ARHGEF3: variants seen among roughly 807,000 people sequenced by gnomAD.
ARHGEF3 encodes the protein 59.8 kDA protein.
In ARHGEF3, 28 loss-of-function variants were observed where a neutral mutation model predicts 63.2. The observed-to-expected ratio is 0.44, with a 90% CI of 0.33 to 0.61. The LOEUF (loss-of-function observed/expected upper bound fraction) is 0.61, where lower values mean the gene tolerates loss of function less well. ARHGEF3 is among the 20% of genes least tolerant of loss of function. The pLI is 0.03. For missense variants in ARHGEF3, 533 were observed against 659.3 expected (o/e 0.81, Z 2.10); for synonymous variants, 266 against 254.2 (o/e 1.05, Z -0.44).
intron 4 of ARHGEF3, among the ~76,000 whole-genome samples, chr3:56,822,433 G>C (rs553690112): frequency 6.6e-6 from 1 of 152,170 alleles, no homozygotes; most frequent in African/African-American, 2.4e-5. Context: ...GTATACTGAT[G>C]AAGCCAAGCA....
chr3:56,849,613 C>T (rs1000887134), intron 4 of ARHGEF3, among the ~76,000 whole-genome samples: 3 of 152,008 alleles, frequency 2.0e-5, no homozygotes, highest in Admixed American at 6.6e-5. Context: ...CTTAAAGATG[C>T]TGTTATGCCA....
At chr3:56,967,297 AATTATAT>A (rs562517224) in intron 2 of ARHGEF3, among the ~76,000 whole-genome samples, 8,945 of 86,698 alleles carry the variant, frequency 0.1, 1,078 homozygotes, top group Non-Finnish European at 0.13. Context: ...ATATTATACA[AATTATAT>A]ATTATATATT....
chr3:56,984,462 C>T (rs142164987), intron 2 of ARHGEF3, among the ~76,000 whole-genome samples: 48 of 152,136 alleles, frequency 3.2e-4, no homozygotes, highest in African/African-American at 1.1e-3. Context: ...GGGAGGTGGA[C>T]AAGCCCCGCA....
intron 2 of ARHGEF3, chr3:56,958,996 GC>G: frequency 8.3e-7 from 1 of 1,205,342 alleles, no homozygotes; most frequent in Non-Finnish European, 1.2e-6. Flanking sequence ...TCAAGAAATG[GC>G]CCAAACAAGG....
intron 2 of ARHGEF3, among the ~76,000 whole-genome samples, chr3:57,013,392 C>A (rs375314718): frequency 1.2e-3 from 184 of 152,368 alleles, no homozygotes; most frequent in African/African-American, 4.2e-3. Flanking sequence ...ATGCACCAAT[C>A]AGCACTTTGT....
At chr3:57,004,689 C>T (rs1445781704) in intron 2 of ARHGEF3, among the ~76,000 whole-genome samples, 6 of 152,164 alleles carry the variant, frequency 3.9e-5, no homozygotes, top group Admixed American at 3.9e-4. Flanking sequence ...TTTATGCAGC[C>T]GGCGCAGTGG....
chr3:56,754,697 A>G (rs1200225086), intron 3 of ARHGEF3, among the ~76,000 whole-genome samples: 1 of 152,290 alleles, frequency 6.6e-6, no homozygotes, highest in Non-Finnish European at 1.5e-5. Flanking sequence ...AAATATAACT[A>G]AAATGATTAT....
intron 4 of ARHGEF3, among the ~76,000 whole-genome samples, chr3:56,835,769 C>T (rs113951703): frequency 6.6e-6 from 1 of 152,224 alleles, no homozygotes; most frequent in Non-Finnish European, 1.5e-5. Context: ...GTCCAACACA[C>T]CCCAGGCCGG....
intron 3 of ARHGEF3, among the ~76,000 whole-genome samples, chr3:56,941,380 G>C (rs1470080486): frequency 6.6e-6 from 1 of 152,168 alleles, no homozygotes; most frequent in Non-Finnish European, 1.5e-5. Flanking sequence ...GCTAATTTTT[G>C]TATTTTTAGT....
intron 1 of ARHGEF3, among the ~76,000 whole-genome samples, chr3:56,787,349 C>G (rs144085693): frequency 1.3e-5 from 2 of 152,158 alleles, no homozygotes; most frequent in Admixed American, 6.5e-5. Context: ...ATAAATTATA[C>G]CCTGCCAAGG....
intron 4 of ARHGEF3, among the ~76,000 whole-genome samples, chr3:56,842,574 C>T (rs1272843915): frequency 2.6e-5 from 4 of 152,120 alleles, no homozygotes; most frequent in Non-Finnish European, 4.4e-5. Flanking sequence ...CTTCTGGTAC[C>T]CTTCTCTTCT....
At chr3:56,761,394 C>G (rs748384531) in intron 2 of ARHGEF3, among the ~76,000 whole-genome samples, 8 of 150,718 alleles carry the variant, frequency 5.3e-5, no homozygotes, top group Non-Finnish European at 1.0e-4. Flanking sequence ...CAGCCACATC[C>G]CTATCAGCAT....
chr3:56,768,492 T>G (rs2035831837), intron 2 of ARHGEF3, among the ~76,000 whole-genome samples: 1 of 151,716 alleles, frequency 6.6e-6, no homozygotes, highest in Non-Finnish European at 1.5e-5. Context: ...CCTAAATATG[T>G]GTTAATAGGA....
chr3:56,751,007 T>A, intron 6 of ARHGEF3, 49 bp downstream of exon 6: 1 of 1,373,912 alleles, frequency 7.3e-7, no homozygotes, highest in Non-Finnish European at 9.9e-7. Flanking sequence ...GAAACTCCCA[T>A]CTATATTATT....
intron 8 of ARHGEF3, among the ~76,000 whole-genome samples, chr3:56,734,794 C>T (rs927349784): frequency 1.8e-4 from 28 of 152,084 alleles, no homozygotes; most frequent in Non-Finnish European, 1.5e-5. Context: ...TTTAAGAAGA[C>T]TGAAAAACAG....
At chr3:56,768,856 G>C (rs1480156976) in intron 2 of ARHGEF3, among the ~76,000 whole-genome samples, 1 of 152,166 alleles carries the variant, frequency 6.6e-6, no homozygotes, top group South Asian at 2.1e-4. Flanking sequence ...TGACAGAGAT[G>C]CAAGAGAAAC....
chr3:56,991,419 T>A (rs1459215939), intron 2 of ARHGEF3, among the ~76,000 whole-genome samples: 1 of 152,206 alleles, frequency 6.6e-6, no homozygotes. Context: ...AAGTCATCTA[T>A]CTACACCCCG....
chr3:56,927,657 G>T (rs1277622170), intron 3 of ARHGEF3, among the ~76,000 whole-genome samples: 1 of 152,112 alleles, frequency 6.6e-6, no homozygotes, highest in Admixed American at 6.6e-5. Flanking sequence ...CCACCTGGAG[G>T]TTCAATGTCA....
intron 2 of ARHGEF3, among the ~76,000 whole-genome samples, chr3:56,985,938 GGCT>G (rs1345912463): frequency 1.3e-5 from 2 of 152,198 alleles, no homozygotes; most frequent in Non-Finnish European, 2.9e-5. Flanking sequence ...CTCTACAACA[GGCT>G]GCTGCTGCTG....
Sources: allele counts gnomAD v4.1 joint callset (sites outside exome capture counted in the v4.1 genomes callset), GRCh38; gene constraint gnomAD v4.1.1; transcripts MANE v1.5; gene names NCBI Gene and HGNC (gene_info 2026-07-23, HGNC 2026-07-21).